Variants in AGAP1 observed in about 807,000 individuals in gnomAD.
The protein encoded by AGAP1 is ArfGAP with GTPase domain, ankyrin repeat and PH domain 1, also known as arf-GAP with GTPase, ANK repeat and PH domain-containing protein 1.
Under a neutral mutation model 105.3 loss-of-function variants are expected in AGAP1, and 29 were observed. The observed-to-expected ratio is 0.28, with a 90% CI of 0.21 to 0.38. AGAP1 has a LOEUF of 0.38. Among genes scored for constraint, AGAP1 ranks in the 10% least tolerant of loss-of-function variants. The pLI, the probability that AGAP1 is intolerant of heterozygous loss-of-function variation, is 1.00. For synonymous variants in AGAP1, 509 were observed against 485.9 expected (o/e 1.05, Z -0.63); for missense variants, 998 against 1,165.1 (o/e 0.86, Z 2.09).
intron 11 of AGAP1, among the ~76,000 whole-genome samples, chr2:235,928,077 G>A (rs991439926): frequency 6.6e-6 from 1 of 152,188 alleles, no homozygotes; most frequent in African/African-American, 2.4e-5. Context: ...AGCAGTCAGG[G>A]TCCCAGCAAG....
intron 11 of AGAP1, among the ~76,000 whole-genome samples, chr2:235,925,053 A>T (rs146667537): frequency 1.2e-3 from 183 of 152,208 alleles, no homozygotes; most frequent in Middle Eastern, 3.4e-3. Context: ...GATGGAAGGG[A>T]AGGGAAGAAT....
At chr2:235,803,987 T>C (rs1366136677) in intron 8 of AGAP1, among the ~76,000 whole-genome samples, 2 of 152,198 alleles carry the variant, frequency 1.3e-5, no homozygotes, top group Admixed American at 1.3e-4. Context: ...AGTGTTTTAT[T>C]AGAAAAATTT....
rs1444500247 is a variant in AGAP1 at position 236,062,228 on chromosome 2, C to G, written c.2114+12947C>G. Among the ~76,000 whole-genome samples the G allele has an allele frequency of 6.6e-6, 1 of 152,164 alleles. No individual in the cohort carries two copies. The highest frequency in any genetic ancestry group is 1.5e-5 in the Non-Finnish European group (1 of 68,030). ...ATCAGGCACTTGACAAGCCCTGCCT[C>G]TTGGAATCCGCACAGCAAACCAATG... is the stretch of plus-strand genomic sequence containing the variant. On this transcript the variant is annotated intron_variant, in intron 16 of 17. Transcript: ENST00000304032. The surrounding 1 kb of genome is among the most constrained non-coding windows in gnomAD (Gnocchi z 4.2).
intron 4 of AGAP1, among the ~76,000 whole-genome samples, chr2:235,742,423 T>C (rs1160428510): frequency 6.6e-6 from 1 of 152,230 alleles, no homozygotes. Flanking sequence ...TGTTAAAGTG[T>C]GTAACATTTT....
chr2:236,046,014 G>T lies in AGAP1; in HGVS notation c.1892-3045G>T. ...CCTTCAGATCTGGACCTGACAGCCT[G>T]GGAGCTGCTGGGGGGAGGTAGGAGG... is the stretch of plus-strand genomic sequence containing the variant. On this transcript the variant is annotated intron_variant, in intron 15 of 17. Coordinates refer to ENST00000304032, the MANE Select transcript of AGAP1 (RefSeq NM_001037131.3). The surrounding 1 kb of genome is among the most constrained non-coding windows in gnomAD (Gnocchi z 5.2). The T allele has an allele frequency of 2.1e-6, 1 of 471,656 alleles. No individual in the cohort carries two copies. 29.2% of individuals were successfully genotyped at this position (471,656 alleles called of 1,614,324 possible). A position where few individuals can be genotyped will look rare whatever the true frequency, so the allele number is the denominator to read the frequency against.
chr2:235,889,470 G>A lies in AGAP1; in HGVS notation c.1155+6021G>A, dbSNP rs781357189. On this transcript the variant is annotated intron_variant, in intron 10 of 17. Transcript: ENST00000304032. This position sits in a 1 kb window ranked among gnomAD's most constrained non-coding sequence, Gnocchi z 4.6. The stretch of plus-strand genomic sequence containing the variant: ...GGACTTCAGCTGGGTGGTGGCCCTG[G>A]GATGTCACTTTCCTTCCCACTTAAT... 3.3e-5 allele frequency among the ~76,000 whole-genome samples: 5 copies of A among 151,994 alleles called. No homozygotes were observed. The highest frequency in any genetic ancestry group is 7.4e-5 in the Non-Finnish European group (5 of 68,004).
intron 1 of AGAP1, among the ~76,000 whole-genome samples, chr2:235,546,512 C>G (rs543056561): frequency 7.9e-5 from 12 of 152,132 alleles, no homozygotes; most frequent in Admixed American, 4.6e-4. Context: ...GCATGTCTGT[C>G]ACAGATCTCT....
In AGAP1 at chr2:235,736,047, T is replaced by C. The variant is rs1402552634; in HGVS notation, c.311-4916T>C. On this transcript the variant is annotated intron_variant, in intron 3 of 17. Coordinates refer to ENST00000304032, the MANE Select transcript of AGAP1 (RefSeq NM_001037131.3). The surrounding 1 kb of genome is among the most constrained non-coding windows in gnomAD (Gnocchi z 5.5). ...GTGATGCTGTTTACCTCCTGTGATA[T>C]CCTTGTGTCCTGGGGAAGCACAGAT... 6.6e-6 allele frequency among the ~76,000 whole-genome samples: 1 copy of C among 151,890 alleles called. No homozygotes were observed. The highest frequency in any genetic ancestry group is 1.9e-4 in the East Asian group (1 of 5,162).
At position 235,747,590 on chromosome 2, in the gene AGAP1, C is replaced by T. The variant is rs1381049232; in HGVS notation, c.538+2751C>T. 6.6e-6 allele frequency among the ~76,000 whole-genome samples: 1 copy of T among 152,210 alleles called. No individual in the cohort carries two copies. The highest frequency in any genetic ancestry group is 6.5e-5 in the Admixed American group (1 of 15,290). ...CAATCAGGGCTGTATTCCTCACCTG[C>T]GGGATTCTCTTGGTCCTTCCCTAGA... is the stretch of plus-strand genomic sequence containing the variant. On this transcript the variant is annotated intron_variant, in intron 5 of 17. Transcript: ENST00000304032. This position sits in a 1 kb window ranked among gnomAD's most constrained non-coding sequence, Gnocchi z 5.0.
chr2:235,696,428 A>G lies in AGAP1; in HGVS notation c.164-12751A>G, dbSNP rs77465261. ...GGAACCAAGAGTCGTGTGAGGTCCC[A>G]GGGTGCACAGTGGACATTTCAGTGT... is the stretch of plus-strand genomic sequence containing the variant. On this transcript the variant is annotated intron_variant, in intron 1 of 17. Coordinates refer to ENST00000304032, the MANE Select transcript of AGAP1 (RefSeq NM_001037131.3). Among the ~76,000 whole-genome samples, 236 of 152,272 alleles carry G rather than the reference A, an allele frequency of 1.5e-3. 4 individuals are homozygous for G. The East Asian group carries it at 0.043, about 28-fold the overall frequency.
In AGAP1 at chr2:236,101,931, T is replaced by C. The variant is rs988178138; in HGVS notation, c.2115-18261T>C. 2.0e-5 allele frequency among the ~76,000 whole-genome samples: 3 copies of C among 152,236 alleles called. No homozygotes were observed. Among genetic ancestry groups the C allele is most frequent in the Admixed American group, 6.5e-5 (1 of 15,286 alleles). ...GTGACTAGCATGGCTTAGCTATGTT[T>C]CTGTGCAAACATACTCACACACAGT... On this transcript the variant is annotated intron_variant, in intron 16 of 17. Coordinates refer to ENST00000304032, the MANE Select transcript of AGAP1 (RefSeq NM_001037131.3). This position sits in a 1 kb window ranked among gnomAD's most constrained non-coding sequence, Gnocchi z 4.9.
At chr2:235,937,138 C>G (rs757433113) in intron 12 of AGAP1, among the ~76,000 whole-genome samples, 14 of 152,210 alleles carry the variant, frequency 9.2e-5, no homozygotes, top group Non-Finnish European at 1.2e-4. Flanking sequence ...TGGGGGTTGT[C>G]ATCAACCTTC....
chr2:236,049,365 T>G, intron 16 of AGAP1, 84 bp downstream of exon 16: 28 of 1,280,746 alleles, frequency 2.2e-5, no homozygotes, highest in African/African-American at 3.0e-5. Context: ...CAGCCACGGT[T>G]GGGAAGGCCC....
chr2:235,653,883 C>T (rs1269217950), intron 1 of AGAP1, among the ~76,000 whole-genome samples: 1 of 152,070 alleles, frequency 6.6e-6, no homozygotes, highest in Non-Finnish European at 1.5e-5. Context: ...ATGGTGAAAC[C>T]CCGTCTCTAC....
Position 235,875,408 on chromosome 2 carries a change from G to A in AGAP1, c.1051-7937G>A, listed in dbSNP as rs984968629. On this transcript the variant is annotated intron_variant, in intron 9 of 17. Transcript: ENST00000304032. The surrounding 1 kb of genome is among the most constrained non-coding windows in gnomAD (Gnocchi z 4.0). ...TCTGCTGAGAGATCTGATTCCCAGC[G>A]GACCGGCCTTCCTCACTCGATGATT... 1.9e-4 allele frequency among the ~76,000 whole-genome samples: 29 copies of A among 152,280 alleles called. No individual in the cohort carries two copies. The highest frequency in any genetic ancestry group is 6.5e-4 in the African/African-American group (27 of 41,564).
chr2:235,935,985 C>T (rs904220320), intron 12 of AGAP1, among the ~76,000 whole-genome samples: 1 of 152,190 alleles, frequency 6.6e-6, no homozygotes, highest in African/African-American at 2.4e-5. Context: ...CCCGGCCCTC[C>T]CCGCTGGCTC....
Position 235,566,531 on chromosome 2 carries a change from C to T in AGAP1, c.163+71682C>T, listed in dbSNP as rs1046827910. On this transcript the variant is annotated intron_variant, in intron 1 of 17. Transcript: ENST00000304032. This position sits in a 1 kb window ranked among gnomAD's most constrained non-coding sequence, Gnocchi z 5.2. ...TGAAAAGCACAAATCATCAGTGCGC[C>T]GTACGTTTTGGCCAGCACTTTATTT... The T allele has an allele frequency of 1.7e-5, 17 of 974,970 alleles. No individual in the cohort carries two copies. Among genetic ancestry groups the T allele is most frequent in the Middle Eastern group, 1.1e-3 (2 of 1,904 alleles). 60.4% of individuals were successfully genotyped at this position (974,970 alleles called of 1,614,324 possible). A position where few individuals can be genotyped will look rare whatever the true frequency, so the allele number is the denominator to read the frequency against.
chr2:235,676,029 G>GT lies in AGAP1; in HGVS notation c.164-33145dup, dbSNP rs563926400. ...AAGACCCAATTATAAAGCACTAGTA[G>GT]TTTTTGTCTTTTTAATGCATTAACA... On this transcript the variant is annotated intron_variant, in intron 1 of 17. Coordinates refer to ENST00000304032, the MANE Select transcript of AGAP1 (RefSeq NM_001037131.3). 2.0e-5 allele frequency among the ~76,000 whole-genome samples: 3 copies of GT among 152,306 alleles called. No homozygotes were observed. In the South Asian group the frequency reaches 6.2e-4, roughly 32 times the overall value.
chr2:235,781,498 A>T (rs1272096597), intron 6 of AGAP1, among the ~76,000 whole-genome samples: 2 of 152,196 alleles, frequency 1.3e-5, no homozygotes, highest in Non-Finnish European at 2.9e-5. Context: ...TTCTGTGCTG[A>T]ATTATGGATG....
Sources: allele counts gnomAD v4.1 joint callset (sites outside exome capture counted in the v4.1 genomes callset), GRCh38; gene constraint gnomAD v4.1.1; non-coding constraint Gnocchi (gnomAD v3.1); transcripts MANE v1.5; gene names NCBI Gene and HGNC (gene_info 2026-07-23, HGNC 2026-07-21).